The following EML5 variants were observed in gnomAD, a reference collection of about 807,000 sequenced individuals.
EML5 encodes echinoderm microtubule-associated protein-like 5.
EML5 carries 120 observed loss-of-function variants against 250.0 expected under a neutral mutation model. The observed-to-expected ratio is 0.48, with a 90% CI of 0.41 to 0.56. The LOEUF is 0.56. Among genes scored for constraint, EML5 ranks in the 20% least tolerant of loss-of-function variants. EML5 has a pLI of 0.00. For synonymous variants in EML5, 771 were observed against 806.5 expected (o/e 0.96, Z 0.75); for missense variants, 2,006 against 2,437.6 (o/e 0.82, Z 3.73).
chr14:88,665,349 G>T lies in EML5; in HGVS notation c.3265C>A (p.Arg1089=). Reference sequence around the variant, plus strand: ...CAATGGATCTTACCAGGTGAAAATCGAATATCTGAAATCATATCTTTTCTG... The same window carrying T: ...CAATGGATCTTACCAGGTGAAAATCTAATATCTGAAATCATATCTTTTCTG... The part of the protein sequence containing the change: ...HHRKDMISDI[R]FSPGSGKYLA... Residue 1089 remains arginine (R), a synonymous_variant, in exon 22 of 44, where the codon CGA becomes AGA. Transcript: ENST00000554922. The T allele has an allele frequency of 6.2e-7, 1 of 1,611,562 alleles. No homozygotes were observed. The highest frequency in any genetic ancestry group is 1.1e-5 in the South Asian group (1 of 90,622).
At chr14:88,748,871 T>C (rs2094047663) in intron 2 of EML5, among the ~76,000 whole-genome samples, 1 of 149,822 alleles carries the variant, frequency 6.7e-6, no homozygotes, top group Non-Finnish European at 1.5e-5. Flanking sequence ...ATAGAACCCA[T>C]CCAAAATAAA....
At chr14:88,661,553 T>C in intron 25 of EML5, 101 bp downstream of exon 25, 1 of 1,036,016 alleles carries the variant, frequency 9.7e-7, no homozygotes, top group South Asian at 1.8e-5. Flanking sequence ...ACATTACATA[T>C]TACATATGTA....
Position 88,616,175 on chromosome 14 carries a change from C to G in EML5, c.5864G>C (p.Arg1955Pro). 6.2e-7 allele frequency: 1 copy of G among 1,613,832 alleles called. No individual in the cohort carries two copies. Among genetic ancestry groups the G allele is most frequent in the Non-Finnish European group, 8.5e-7 (1 of 1,179,802 alleles). Reference protein sequence around the residue: ...VTNIRFTSGDRHVVSAGGDDC... With the variant: ...VTNIRFTSGDPHVVSAGGDDC... ...ATCACCTCCAGCACTAACAACATGT[C>G]GATCACCACTGGTAAATCGAATATT... The change falls in exon 43 of 44, where the codon CGA (arginine) becomes CCA (proline). Residue 1955 changes from arginine (R) to proline (P), a missense_variant. By Grantham distance (103) the Arg-to-Pro change is moderately radical. Around this residue, in one of 7 missense-constraint regions of EML5, gnomAD observed 56 missense variants for 55.1 expected, o/e 1.02. Coordinates refer to ENST00000554922, the MANE Select transcript of EML5 (RefSeq NM_183387.3).
At chr14:88,778,518 C>T (rs1439781113) in intron 1 of EML5, among the ~76,000 whole-genome samples, 1 of 152,312 alleles carries the variant, frequency 6.6e-6, no homozygotes, top group East Asian at 1.9e-4. Context: ...TGGTGGCTCA[C>T]GCCAGTAATC....
At chr14:88,658,704 T>C (rs1013345681) in intron 25 of EML5, among the ~76,000 whole-genome samples, 1 of 152,192 alleles carries the variant, frequency 6.6e-6, no homozygotes, top group African/African-American at 2.4e-5. Context: ...CTTTTAGGGA[T>C]CTATGCTAAG....
At chr14:88,615,982 G>T in intron 43 of EML5, 128 bp from the exon 44 acceptor site, 1 of 1,267,792 alleles carries the variant, frequency 7.9e-7, no homozygotes, top group South Asian at 1.4e-5. Flanking sequence ...CTTTTATTCT[G>T]TATTTGCATA....
At chr14:88,779,012 T>C (rs1182386874) in intron 1 of EML5, among the ~76,000 whole-genome samples, 2 of 152,204 alleles carry the variant, frequency 1.3e-5, no homozygotes, top group Admixed American at 6.5e-5. Flanking sequence ...AGATTGTATA[T>C]GTGAGAATTT....
At chr14:88,651,223 C>CCT (rs2091611943) in intron 27 of EML5, among the ~76,000 whole-genome samples, 1 of 148,150 alleles carries the variant, frequency 6.7e-6, no homozygotes. Flanking sequence ...GCCAACAGAC[C>CCT]CTCTCTCTCC....
At chr14:88,696,236 A>G (rs2093075974) in intron 15 of EML5, among the ~76,000 whole-genome samples, 1 of 151,974 alleles carries the variant, frequency 6.6e-6, no homozygotes, top group Non-Finnish European at 1.5e-5. Context: ...TCAGAGCAGC[A>G]AAAGCATTAA....
chr14:88,678,385 C>G (rs901402758), intron 21 of EML5, among the ~76,000 whole-genome samples: 1 of 152,086 alleles, frequency 6.6e-6, no homozygotes, highest in Non-Finnish European at 1.5e-5. Flanking sequence ...CATCATGGCA[C>G]ACGTTTCCCT....
intron 24 of EML5, among the ~76,000 whole-genome samples, chr14:88,662,342 T>G (rs2092138779): frequency 7.4e-6 from 1 of 136,016 alleles, no homozygotes. Context: ...TTTTCTTGTT[T>G]TTTTTTTTTT....
Position 88,669,790 on chromosome 14 carries a change from T to G in EML5, c.3125-4301A>C, listed in dbSNP as rs77815152. ...CTGGATCCTGTACCTCCTGACTGGGTGAGACCACCCCAACAGGGGTTGCTA... is the reference window on the plus strand; with the variant it reads ...CTGGATCCTGTACCTCCTGACTGGGGGAGACCACCCCAACAGGGGTTGCTA... On this transcript the variant is annotated intron_variant, in intron 21 of 43. Transcript: ENST00000554922. Among the ~76,000 whole-genome samples the G allele has an allele frequency of 4.4e-3, 667 of 152,242 alleles. 16 individuals carry two copies. In the East Asian group the frequency reaches 0.054, roughly 12 times the overall value.
At chr14:88,772,418 A>C (rs2094402492) in intron 1 of EML5, among the ~76,000 whole-genome samples, 1 of 152,262 alleles carries the variant, frequency 6.6e-6, no homozygotes, top group African/African-American at 2.4e-5. Context: ...CTACCGAATT[A>C]GAATGAAACC....
chr14:88,742,878 G>T (rs1418759047), intron 4 of EML5, among the ~76,000 whole-genome samples: 1 of 152,038 alleles, frequency 6.6e-6, no homozygotes, highest in African/African-American at 2.4e-5. Flanking sequence ...GATGGAGTTA[G>T]GCATATTGAA....
At chr14:88,635,225 C>T (rs2090655327) in intron 32 of EML5, among the ~76,000 whole-genome samples, 1 of 152,066 alleles carries the variant, frequency 6.6e-6, no homozygotes, top group Admixed American at 6.6e-5. Context: ...AGCTTTATAT[C>T]CATATGAAAT....
At chr14:88,777,518 T>C (rs578068792) in intron 1 of EML5, among the ~76,000 whole-genome samples, 1 of 152,136 alleles carries the variant, frequency 6.6e-6, no homozygotes, top group Non-Finnish European at 1.5e-5. Context: ...TCACTGGTAA[T>C]AGTAAGTACA....
Position 88,620,566 on chromosome 14 carries a change from A to G in EML5, c.5375+188T>C. 1 of 467,448 alleles carries G rather than the reference A, an allele frequency of 2.1e-6. No homozygotes were observed. Among genetic ancestry groups the G allele is most frequent in the Non-Finnish European group, 3.6e-6 (1 of 274,466 alleles). The allele number at this position is 467,448 out of a possible 1,614,324, so 29.0% of individuals were successfully genotyped here. ...GTACTTGCTATTATAGTTGGTGCCC[A>G]GTGGGTTTATAATTTAGCAAGAAGA... On this transcript the variant is annotated intron_variant, in intron 39 of 43. Coordinates refer to ENST00000554922, the MANE Select transcript of EML5 (RefSeq NM_183387.3). The surrounding 1 kb of genome is among the most constrained non-coding windows in gnomAD (Gnocchi z 4.3).
intron 1 of EML5, among the ~76,000 whole-genome samples, chr14:88,791,876 C>A (rs2094611947): frequency 6.6e-6 from 1 of 152,146 alleles, no homozygotes; most frequent in Non-Finnish European, 1.5e-5. Flanking sequence ...GGGAGCAGCC[C>A]ACCGCTTGCT....
chr14:88,688,530 GA>G (rs1458072725), intron 17 of EML5, 57 bp from the exon 18 acceptor site: 4 of 1,561,734 alleles, frequency 2.6e-6, no homozygotes, highest in African/African-American at 2.7e-5. Flanking sequence ...CAATTATAAA[GA>G]AGCAAAGTTT....
Sources: gnomAD v4.1 joint callset for allele counts (sites outside exome capture counted in the v4.1 genomes callset) on GRCh38, gnomAD v4.1.1 for gene constraint, gnomAD v4.1.1 regional missense constraint, Gnocchi (gnomAD v3.1) non-coding constraint, MANE v1.5 for transcripts, NCBI Gene and HGNC (gene_info 2026-07-23, HGNC 2026-07-21) for gene names.